Variants in MICOS13 observed in about 807,000 individuals in gnomAD.
MICOS13 encodes MICOS complex subunit MIC13.
Under a neutral mutation model 16.1 loss-of-function variants are expected in MICOS13, and 15 were observed. That is an observed-to-expected ratio of 0.93 (90% CI 0.62 to 1.44). The LOEUF is 1.44. Among genes scored for constraint, MICOS13 ranks in the 40% most tolerant of loss-of-function variants. The probability of loss-of-function intolerance (pLI) is 0.00; values close to 1 mark genes in which losing one functional copy is unlikely to be tolerated. For missense variants in MICOS13, 164 were observed against 155.0 expected (o/e 1.06, Z -0.31); for synonymous variants, 61 against 62.6 (o/e 0.97, Z 0.12).
intron 1 of MICOS13, chr19:5,680,042 G>T: frequency 6.6e-7 from 1 of 1,518,002 alleles, no homozygotes; most frequent in Non-Finnish European, 8.8e-7. Flanking sequence ...CAGTGAAGAC[G>T]TAAGATCTTG....
chr19:5,678,494 T>G lies in MICOS13; in HGVS notation c.*57A>C. ...GGAGTGGGGTCCCAGTCCGGAGTCT[T>G]CAGGTCAGTGGCAGCCCTGCCCGTT... On this transcript the variant is annotated 3_prime_UTR_variant, in exon 4 of 4. Transcript: ENST00000309324. 8.8e-6 allele frequency: 13 copies of G among 1,480,472 alleles called. No homozygotes were observed. The highest frequency in any genetic ancestry group is 1.1e-5 in the Non-Finnish European group (12 of 1,088,378). 91.7% of individuals were successfully genotyped at this position (1,480,472 alleles called of 1,614,324 possible).
At chr19:5,679,057 G>A (rs560504226) in intron 3 of MICOS13, 5 of 420,680 alleles carry the variant, frequency 1.2e-5, no homozygotes, top group African/African-American at 6.1e-5. Flanking sequence ...GATTACAGGT[G>A]TGCACCACCA....
chr19:5,679,485 C>CAGGTCAGCATCAATATGG, intron 2 of MICOS13, 89 bp from the exon 3 acceptor site: 1 of 1,593,382 alleles, frequency 6.3e-7, no homozygotes, highest in South Asian at 1.1e-5. Context: ...GCCGGAGAAT[C>CAGGTCAGCATCAATATGG]AGGTCAGCAT....
Position 5,678,585 on chromosome 19 carries a change from T to C in MICOS13, c.323A>G (p.Glu108Gly). 6.5e-7 allele frequency: 1 copy of C among 1,549,250 alleles called. No individual in the cohort carries two copies. Among genetic ancestry groups the C allele is most frequent in the Non-Finnish European group, 8.7e-7 (1 of 1,146,486 alleles). ...GCGCGCCTTCACATACTCCCAGCCC[T>C]CCTTGGAGTACTCGCGGGCCTTGGA... ...APSKAREYSK[E>G]GWEYVKARTK The change falls in exon 4 of 4, where the codon GAG becomes GGG. Residue 108 changes from glutamate (E) to glycine (G), a missense_variant. Transcript: ENST00000309324.
Position 5,679,993 on chromosome 19 carries a change from G to C in MICOS13, c.30-230C>G. The C allele has an allele frequency of 5.4e-6, 8 of 1,477,538 alleles. No individual in the cohort carries two copies. The South Asian group carries it at 1.0e-4, about 19-fold the overall frequency. The allele number at this position is 1,477,538 out of a possible 1,614,324, so 91.5% of individuals were successfully genotyped here. On this transcript the variant is annotated intron_variant, in intron 1 of 3. Transcript: ENST00000309324. ...GAACTGATGAACTGAAACCCAGAGG[G>C]GGAGAGTGGGTCACTCAAAGTCCCA...
At position 5,679,732 on chromosome 19, in the gene MICOS13, C is replaced by T. The variant is rs567023308; in HGVS notation, c.61G>A (p.Ala21Thr). 1 of 1,607,968 alleles carries T rather than the reference C, an allele frequency of 6.2e-7. No individual in the cohort carries two copies. The change falls in exon 2 of 4, where the codon GCC becomes ACC. Residue 21 changes from alanine (A) to threonine (T), a missense_variant. Coordinates refer to ENST00000309324, the MANE Select transcript of MICOS13 (RefSeq NM_205767.3). ...FLIKGSVAGG[A>T]VYLVYDQELL... ...TCCTGGTCGTACACCAGGTAGACGGCGCCCCCAGCCACACTTCCCTTGATG... is the reference window on the plus strand; with the variant it reads ...TCCTGGTCGTACACCAGGTAGACGGTGCCCCCAGCCACACTTCCCTTGATG...
At position 5,678,525 on chromosome 19, in the gene MICOS13, C is replaced by T. The variant is rs376290978; in HGVS notation, c.*26G>A. On this transcript the variant is annotated 3_prime_UTR_variant, in exon 4 of 4. Coordinates refer to ENST00000309324, the MANE Select transcript of MICOS13 (RefSeq NM_205767.3). ...CAGTGGCAGCCCTGCCCGTTCTGGC[C>T]GGGGCAGGCGGCCCCTGCTGACTCG... 771 of 1,537,868 alleles carry T rather than the reference C, an allele frequency of 5.0e-4. 4 individuals are homozygous for T. Among genetic ancestry groups the T allele is most frequent in the Non-Finnish European group, 5.5e-4 (620 of 1,137,490 alleles).
intron 2 of MICOS13, 90 bp downstream of exon 2, chr19:5,679,496 C>G: frequency 6.3e-7 from 1 of 1,593,504 alleles, no homozygotes; most frequent in African/African-American, 1.3e-5. Context: ...AGGTCAGCAT[C>G]AATATGGAGG....
rs2054511481 is a variant in MICOS13 at position 5,680,333 on chromosome 19, CGGGGAACGAAGGGGAAGTGACTCTAA to C, written c.29+99_29+124del. The C allele has an allele frequency of 2.5e-6, 4 of 1,606,970 alleles. No individual in the cohort carries two copies. In the South Asian group the frequency reaches 4.4e-5, roughly 18 times the overall value. Reference sequence around the variant, plus strand: ...TCAGTTTCCCTATCTGGCCCATAGGCGGGGAACGAAGGGGAAGTGACTCTAAGGGAAGCGAAGAGCAGATCGGGACC... The same window carrying C: ...TCAGTTTCCCTATCTGGCCCATAGGCGGGAAGCGAAGAGCAGATCGGGACC... On this transcript the variant is annotated intron_variant, in intron 1 of 3. Transcript: ENST00000309324.
At chr19:5,680,344 G>A in intron 1 of MICOS13, 114 bp downstream of exon 1, 1 of 1,605,884 alleles carries the variant, frequency 6.2e-7, no homozygotes, top group Non-Finnish European at 8.5e-7. Flanking sequence ...GGGGAACGAA[G>A]GGGAAGTGAC....
At chr19:5,680,100 G>A (rs2054505551) in intron 1 of MICOS13, 1 of 1,535,418 alleles carries the variant, frequency 6.5e-7, no homozygotes, top group Non-Finnish European at 8.7e-7. Context: ...GTCCCTGGGC[G>A]CCTCCTGCCC....
intron 1 of MICOS13, chr19:5,680,252 T>C: frequency 6.4e-7 from 1 of 1,571,962 alleles, no homozygotes; most frequent in Non-Finnish European, 8.6e-7. Flanking sequence ...AAGGGCTCGC[T>C]GGGAAGCAGG....
At chr19:5,680,065 C>G in intron 1 of MICOS13, 1 of 1,528,634 alleles carries the variant, frequency 6.5e-7, no homozygotes, top group Non-Finnish European at 8.7e-7. Context: ...CTTCTAGAAG[C>G]CTTCCAGCCC....
Position 5,679,621 on chromosome 19 carries a change from A to C in MICOS13, c.172T>G (p.Tyr58Asp). ...TGCAGGCCTGTCTGCTGACACACGT[A>C]CTGGCTGAACTGGTACATGGCGGGG... ...VPPAMYQFSQ[Y>D]VCQQTGLQIP... Residue 58 changes from tyrosine to aspartate, a missense_variant, in exon 2 of 4, where the codon TAC becomes GAC. Coordinates refer to ENST00000309324, the MANE Select transcript of MICOS13 (RefSeq NM_205767.3). 1.2e-6 allele frequency: 2 copies of C among 1,610,730 alleles called. No individual in the cohort carries two copies. The highest frequency in any genetic ancestry group is 2.2e-5 in the South Asian group (2 of 90,920).
At chr19:5,680,206 C>G (rs1282856503) in intron 1 of MICOS13, 10 of 1,539,398 alleles carry the variant, frequency 6.5e-6, no homozygotes, top group Non-Finnish European at 8.7e-6. Flanking sequence ...ACAACTGAGG[C>G]TCGGAGGCGG....
Position 5,679,641 on chromosome 19 carries a change from G to A in MICOS13, c.152C>T (p.Ala51Val). The A allele has an allele frequency of 6.2e-7, 1 of 1,611,294 alleles. No homozygotes were observed. Among genetic ancestry groups the A allele is most frequent in the Non-Finnish European group, 8.5e-7 (1 of 1,179,372 alleles). The part of the protein sequence containing the change: ...LQKAGEVVPP[A>V]MYQFSQYVCQ... ...CACGTACTGGCTGAACTGGTACATGGCGGGGGGGACCACCTCCCCAGCCTT... is the reference window on the plus strand; with the variant it reads ...CACGTACTGGCTGAACTGGTACATGACGGGGGGGACCACCTCCCCAGCCTT... Residue 51 changes from alanine to valine, a missense_variant, in exon 2 of 4, where the codon GCC becomes GTC. Coordinates refer to ENST00000309324, the MANE Select transcript of MICOS13 (RefSeq NM_205767.3).
chr19:5,679,475 G>A, intron 2 of MICOS13, 79 bp from the exon 3 acceptor site: 1 of 1,593,404 alleles, frequency 6.3e-7, no homozygotes, highest in South Asian at 1.1e-5. Context: ...AGGAGGACAG[G>A]CCGGAGAATC....
chr19:5,679,129 C>G, intron 3 of MICOS13: 1 of 546,818 alleles, frequency 1.8e-6, no homozygotes, highest in Non-Finnish European at 3.3e-6. Context: ...CCAGGCTGGT[C>G]TCGAACTCCT....
rs762026193 is a variant in MICOS13 at position 5,680,487 on chromosome 19, G to A, written c.-1C>T. The A allele has an allele frequency of 1.2e-6, 2 of 1,606,192 alleles. No individual in the cohort carries two copies. The highest frequency in any genetic ancestry group is 1.8e-5 in the Admixed American group (1 of 56,900). On this transcript the variant is annotated 5_prime_UTR_variant, in exon 1 of 4. Transcript: ENST00000309324. ...TCAGCGACCACACCCGGGCCACCAT[G>A]GTCGCTCGGATCCACGCGCAAGGAC...
Sources: allele counts gnomAD v4.1 joint callset, GRCh38; gene constraint gnomAD v4.1.1; transcripts MANE v1.5; gene names NCBI Gene and HGNC (gene_info 2026-07-23, HGNC 2026-07-21).